Variants in DIMT1 observed in about 807,000 individuals in gnomAD.
DIMT1 encodes DIM1 rRNA methyltransferase and ribosome maturation factor.
DIMT1 carries 36 observed loss-of-function variants against 43.2 expected under a neutral mutation model. The ratio of observed to expected loss-of-function variants is 0.83; its 90% CI spans 0.64 to 1.10. DIMT1 has a LOEUF of 1.10. Ranked by LOEUF, DIMT1 falls within the 50% of genes least tolerant of loss-of-function variation. The pLI, the probability that DIMT1 is intolerant of heterozygous loss-of-function variation, is 0.00. For synonymous variants in DIMT1, 126 were observed against 130.3 expected (o/e 0.97, Z 0.22); for missense variants, 341 against 385.3 (o/e 0.88, Z 0.96).
At chr5:62,390,507 T>C (rs1742252095) in intron 11 of DIMT1, among the ~76,000 whole-genome samples, 1 of 152,192 alleles carries the variant, frequency 6.6e-6, no homozygotes, top group Non-Finnish European at 1.5e-5. Context: ...TTACATGTAT[T>C]ATGATTTTTC....
intron 6 of DIMT1, among the ~76,000 whole-genome samples, chr5:62,396,622 T>C (rs1392569344): frequency 6.6e-6 from 1 of 152,058 alleles, no homozygotes. Flanking sequence ...GGAGTAGAAG[T>C]ATTATGGTGG....
chr5:62,393,854 A>C lies in DIMT1; in HGVS notation c.663+101T>G. 3.0e-6 allele frequency: 3 copies of C among 1,002,374 alleles called. No individual in the cohort carries two copies. In the South Asian group the frequency reaches 5.2e-5, roughly 17 times the overall value. 62.1% of individuals were successfully genotyped at this position (1,002,374 alleles called of 1,614,324 possible). A position where few individuals can be genotyped will look rare whatever the true frequency, so the allele number is the denominator to read the frequency against. On this transcript the variant is annotated intron_variant, in intron 8 of 11. Coordinates refer to ENST00000199320, the MANE Select transcript of DIMT1 (RefSeq NM_014473.4). The stretch of plus-strand genomic sequence containing the variant: ...CCTAATTAACATTTTCCTATGTTTG[A>C]ATATTTAGGTTGATTCAATATTTTT...
rs942008085 is a variant in DIMT1 at position 62,387,546 on chromosome 5, G to T, written c.*1464C>A. ...TATTTTAAAAATTAGTACCAGAAAA[G>T]ATACTGGAGGTAATATAATACAGTC... On this transcript the variant is annotated 3_prime_UTR_variant, in exon 12 of 12. Transcript: ENST00000199320. The T allele has an allele frequency of 4.6e-5, 7 of 152,216 alleles. No individual in the cohort carries two copies. Among genetic ancestry groups the T allele is most frequent in the African/African-American group, 1.7e-4 (7 of 41,538 alleles). 9.4% of individuals were successfully genotyped at this position (152,216 alleles called of 1,614,324 possible).
chr5:62,392,842 T>C, intron 9 of DIMT1, 84 bp downstream of exon 9: 1 of 843,742 alleles, frequency 1.2e-6, no homozygotes, highest in Non-Finnish European at 2.0e-6. Context: ...TGCTTTAGGG[T>C]AGCTGCTCAG....
chr5:62,402,266 G>T, intron 2 of DIMT1, 144 bp from the exon 3 acceptor site: 1 of 785,094 alleles, frequency 1.3e-6, no homozygotes, highest in Non-Finnish European at 2.0e-6. Context: ...GATCTACGTG[G>T]TTAACAAAAT....
rs763169283 is a variant in DIMT1 at position 62,390,861 on chromosome 5, C to A, written c.899+15G>T. The A allele has an allele frequency of 1.9e-6, 3 of 1,607,026 alleles. No homozygotes were observed. Among genetic ancestry groups the A allele is most frequent in the Non-Finnish European group, 2.6e-6 (3 of 1,175,462 alleles). On this transcript the variant is annotated intron_variant, in intron 11 of 11. Coordinates refer to ENST00000199320, the MANE Select transcript of DIMT1 (RefSeq NM_014473.4). ...AAAGAAATGTAAACACTTAGGAAAA[C>A]AAAAATGTAATTACCTGATGAAGTC...
chr5:62,397,523 A>C (rs1039352836), intron 6 of DIMT1, among the ~76,000 whole-genome samples: 2 of 152,178 alleles, frequency 1.3e-5, no homozygotes, highest in South Asian at 2.1e-4. Context: ...AACAAGATGA[A>C]TGTTTTCCCA....
At position 62,392,238 on chromosome 5, in the gene DIMT1, T is replaced by C. The variant is rs200168584; in HGVS notation, c.729-4A>G. On this transcript the variant is annotated splice_region_variant and splice_polypyrimidine_tract_variant and intron_variant, in intron 9 of 11. Coordinates refer to ENST00000199320, the MANE Select transcript of DIMT1 (RefSeq NM_014473.4). The stretch of plus-strand genomic sequence containing the variant: ...GAGTTGTTGCACTGCACTTGATCTA[T>C]AGCATAAAGAAGTGATGCCACTGTT... The C allele has an allele frequency of 1.2e-5, 19 of 1,612,652 alleles. No individual in the cohort carries two copies. The African/African-American group carries it at 2.1e-4, about 18-fold the overall frequency.
intron 2 of DIMT1, 90 bp from the exon 3 acceptor site, chr5:62,402,212 C>G (rs1742732625): frequency 3.2e-6 from 4 of 1,252,736 alleles, no homozygotes; most frequent in Non-Finnish European, 3.4e-6. Context: ...CATATGTGCT[C>G]CGATAAGAGC....
chr5:62,400,724 T>C (rs1214121346), intron 3 of DIMT1, among the ~76,000 whole-genome samples: 1 of 151,766 alleles, frequency 6.6e-6, no homozygotes, highest in Non-Finnish European at 1.5e-5. Flanking sequence ...AAACAATGTG[T>C]TTCTTACTCT....
At chr5:62,401,692 C>T (rs1489361427) in intron 3 of DIMT1, among the ~76,000 whole-genome samples, 3 of 146,360 alleles carry the variant, frequency 2.0e-5, no homozygotes, top group African/African-American at 7.6e-5. Context: ...AAGTGATTCT[C>T]CTGCCCCAGC....
At chr5:62,397,797 C>T (rs536716608) in intron 6 of DIMT1, among the ~76,000 whole-genome samples, 3 of 152,226 alleles carry the variant, frequency 2.0e-5, no homozygotes, top group Non-Finnish European at 4.4e-5. Context: ...TACAGGCGCC[C>T]GCCACTACGC....
intron 7 of DIMT1, 38 bp from the exon 8 acceptor site, chr5:62,394,085 G>C (rs781638187): frequency 1.3e-6 from 2 of 1,593,260 alleles, no homozygotes; most frequent in South Asian, 2.3e-5. Context: ...ACTCACAAAG[G>C]CAACTTTTAT....
chr5:62,402,001 C>A lies in DIMT1; in HGVS notation c.240+35G>T. 2.5e-6 allele frequency: 4 copies of A among 1,594,488 alleles called. No individual in the cohort carries two copies. In the South Asian group the frequency reaches 4.4e-5, roughly 18 times the overall value. On this transcript the variant is annotated intron_variant, in intron 3 of 11. Coordinates refer to ENST00000199320, the MANE Select transcript of DIMT1 (RefSeq NM_014473.4). Reference sequence around the variant, plus strand: ...AACCAACTGAGCTTGCTAACATAGTCATTTGTGATACCAAACATTAAATCC... The same window carrying A: ...AACCAACTGAGCTTGCTAACATAGTAATTTGTGATACCAAACATTAAATCC...
At chr5:62,391,006 A>G in intron 10 of DIMT1, 24 bp from the exon 11 acceptor site, 1 of 1,590,490 alleles carries the variant, frequency 6.3e-7, no homozygotes, top group Non-Finnish European at 8.6e-7. Flanking sequence ...ATTCAGAATA[A>G]ATGAACGACA....
At chr5:62,396,832 AC>A (rs565857861) in intron 6 of DIMT1, among the ~76,000 whole-genome samples, 4 of 152,050 alleles carry the variant, frequency 2.6e-5, no homozygotes, top group African/African-American at 9.6e-5. Flanking sequence ...GACTGGAGCC[AC>A]TCCGTTTCTT....
intron 6 of DIMT1, among the ~76,000 whole-genome samples, chr5:62,395,960 T>C (rs886726890): frequency 1.3e-5 from 2 of 151,820 alleles, no homozygotes; most frequent in Admixed American, 6.6e-5. Flanking sequence ...TGCAGTGACC[T>C]GAGATGTCAC....
At chr5:62,403,379 C>T (rs755569274) in intron 1 of DIMT1, 33 bp from the exon 2 acceptor site, 20 of 1,596,966 alleles carry the variant, frequency 1.3e-5, no homozygotes, top group Non-Finnish European at 1.7e-5. Flanking sequence ...ATTAATTTTC[C>T]TACTGAGATT....
chr5:62,390,226 C>T (rs1742240732), intron 11 of DIMT1, among the ~76,000 whole-genome samples: 1 of 152,148 alleles, frequency 6.6e-6, no homozygotes, highest in Non-Finnish European at 1.5e-5. Context: ...ACAGTAAGTA[C>T]AGGTTAGTAA....
Sources: gnomAD v4.1 joint callset for allele counts (sites outside exome capture counted in the v4.1 genomes callset) on GRCh38, gnomAD v4.1.1 for gene constraint, MANE v1.5 for transcripts, NCBI Gene and HGNC (gene_info 2026-07-23, HGNC 2026-07-21) for gene names.